Variants in VIPR2 observed in about 807,000 individuals in gnomAD.
VIPR2 encodes vasoactive intestinal peptide receptor 2.
A neutral mutation model predicts 58.0 loss-of-function variants in VIPR2; 48 were observed. That is an observed-to-expected ratio of 0.83 (90% CI 0.66 to 1.05). The LOEUF (loss-of-function observed/expected upper bound fraction) is 1.05. VIPR2 is among the 50% of genes least tolerant of loss of function. The pLI is 0.00. For missense variants in VIPR2, 534 were observed against 558.0 expected, an observed-to-expected ratio of 0.96 and a Z score of 0.43; for synonymous variants, 243 against 235.2, an observed-to-expected ratio of 1.03 and a Z score of -0.30.
At chr7:159,120,627 C>T (rs552359949) in intron 2 of VIPR2, among the ~76,000 whole-genome samples, 2 of 152,334 alleles carry the variant, frequency 1.3e-5, no homozygotes, top group South Asian at 2.1e-4. Context: ...TGTTCCGACA[C>T]AACACAGCAC....
At chr7:159,119,296 CT>C (rs1352122280) in intron 2 of VIPR2, among the ~76,000 whole-genome samples, 1 of 152,206 alleles carries the variant, frequency 6.6e-6, no homozygotes, top group Non-Finnish European at 1.5e-5. Context: ...CAGTTTGCTC[CT>C]CTGCAGAACA....
At chr7:159,045,216 G>A (rs766275964) in intron 5 of VIPR2, among the ~76,000 whole-genome samples, 3 of 152,192 alleles carry the variant, frequency 2.0e-5, no homozygotes, top group Non-Finnish European at 4.4e-5. Context: ...ATTCCATCAA[G>A]TGCACCAGCA....
intron 4 of VIPR2, among the ~76,000 whole-genome samples, chr7:159,103,452 A>C (rs780562393): frequency 2.6e-5 from 4 of 152,184 alleles, no homozygotes; most frequent in Non-Finnish European, 5.9e-5. Context: ...CTCATCTGAA[A>C]AGTAACTTTC....
rs1165294638 is a variant in VIPR2 at position 159,097,131 on chromosome 7, C to T, written c.357+6626G>A. 6.8e-7 allele frequency: 1 copy of T among 1,473,774 alleles called. No homozygotes were observed. The highest frequency in any genetic ancestry group is 2.3e-5 in the Admixed American group (1 of 42,754). The allele number at this position is 1,473,774 out of a possible 1,614,324, so 91.3% of individuals were successfully genotyped here. A position where few individuals can be genotyped will look rare whatever the true frequency, so the allele number is the denominator to read the frequency against. On this transcript the variant is annotated intron_variant, in intron 4 of 12. Transcript: ENST00000262178. The surrounding 1 kb of genome is among the most constrained non-coding windows in gnomAD (Gnocchi z 5.3). ...TTGGCGGGATGATCAGATGGTGCCT[C>T]CCACAAAGGCATCTGCAGTGCCAGC...
rs771283856 is a variant in VIPR2, at chr7:159,058,568, T to C, written c.368A>G (p.Tyr123Cys). 2.5e-6 allele frequency: 4 copies of C among 1,609,096 alleles called. No individual in the cohort carries two copies. Among genetic ancestry groups the C allele is most frequent in the Non-Finnish European group, 3.4e-6 (4 of 1,175,814 alleles). The change falls in exon 5 of 13, where the codon TAT (tyrosine) becomes TGT (cysteine). Residue 123 changes from tyrosine to cysteine, a missense_variant. By Grantham distance (194) the Tyr-to-Cys change is radical. Around this residue, in one of 3 missense-constraint regions of VIPR2, gnomAD observed 224 missense variants for 255.7 expected, o/e 0.88. Transcript: ENST00000262178. Reference sequence around the variant, plus strand: ...TGTATAAATGGCCTTCACCAGAATATAAAACGTGATCTACAAAGAAAGAAA... The same window carrying C: ...TGTATAAATGGCCTTCACCAGAATACAAAACGTGATCTACAAAGAAAGAAA... ...DPEDESKITF[Y>C]ILVKAIYTLG...
At chr7:159,092,253 G>A (rs1038191264) in intron 4 of VIPR2, among the ~76,000 whole-genome samples, 3 of 152,212 alleles carry the variant, frequency 2.0e-5, no homozygotes, top group East Asian at 1.9e-4. Context: ...GGCCCAGAGC[G>A]AAATTGGCGA....
intron 2 of VIPR2, among the ~76,000 whole-genome samples, chr7:159,131,620 C>T (rs531425634): frequency 6.6e-6 from 1 of 152,328 alleles, no homozygotes; most frequent in African/African-American, 2.4e-5. Flanking sequence ...AAGACCTCTT[C>T]AGAAAAGATA....
chr7:159,119,260 C>T (rs1180899813), intron 2 of VIPR2, among the ~76,000 whole-genome samples: 1 of 152,186 alleles, frequency 6.6e-6, no homozygotes, highest in African/African-American at 2.4e-5. Flanking sequence ...CTGGCTGCCC[C>T]TGAGCATGTT....
intron 2 of VIPR2, among the ~76,000 whole-genome samples, chr7:159,139,887 T>A (rs1334160806): frequency 6.6e-6 from 1 of 152,268 alleles, no homozygotes; most frequent in African/African-American, 2.4e-5. Context: ...GCATGGGCCA[T>A]GGAAACAGGG....
chr7:159,058,354 C>G (rs1585381097), intron 5 of VIPR2, 127 bp downstream of exon 5: 1 of 714,162 alleles, frequency 1.4e-6, no homozygotes. Context: ...TTAATGGCAG[C>G]ATTCTCCATG....
At chr7:159,112,663 G>A (rs1216991963) in intron 2 of VIPR2, among the ~76,000 whole-genome samples, 1 of 150,908 alleles carries the variant, frequency 6.6e-6, no homozygotes, top group Admixed American at 6.6e-5. Flanking sequence ...CGAGAGCCCC[G>A]ACTGTGAGGA....
At chr7:159,083,606 C>T (rs918254800) in intron 4 of VIPR2, among the ~76,000 whole-genome samples, 14 of 152,210 alleles carry the variant, frequency 9.2e-5, no homozygotes, top group Admixed American at 7.2e-4. Context: ...ACCCACTAGC[C>T]GGGCCAGGCC....
Position 159,030,701 on chromosome 7 carries a change from G to C in VIPR2, c.1232C>G (p.Ser411Cys), listed in dbSNP as rs1198745292. The stretch of plus-strand genomic sequence containing the variant: ...CAGGGCGCCCTCCGAGCCGTTGCGG[G>C]AGAAGGAGGAACCGCAGACCCTGTA... ...RDYRVCGSSF[S>C]RNGSEGALQF... Residue 411 changes from serine (S) to cysteine (C), a missense_variant, in exon 13 of 13, where the codon TCC becomes TGC. This residue lies in a region of VIPR2 where 306 missense variants were observed against 285.8 expected (regional missense o/e 1.07). Coordinates refer to ENST00000262178, the MANE Select transcript of VIPR2 (RefSeq NM_003382.5). 2 of 1,587,348 alleles carry C rather than the reference G, an allele frequency of 1.3e-6. No individual in the cohort carries two copies. Among genetic ancestry groups the C allele is most frequent in the Non-Finnish European group, 1.7e-6 (2 of 1,168,224 alleles).
intron 4 of VIPR2, among the ~76,000 whole-genome samples, chr7:159,101,096 G>A (rs1210043910): frequency 2.1e-5 from 3 of 145,490 alleles, no homozygotes; most frequent in African/African-American, 5.2e-5. Context: ...CGGGTCTCAC[G>A]AGATCCGACG....
intron 5 of VIPR2, among the ~76,000 whole-genome samples, chr7:159,049,721 C>A (rs1374227849): frequency 6.6e-6 from 1 of 152,196 alleles, no homozygotes; most frequent in Non-Finnish European, 1.5e-5. Context: ...GAAATGCCTG[C>A]AGCTTCATGG....
At position 159,030,380 on chromosome 7, in the gene VIPR2, G is replaced by A. The variant is rs1853466876; in HGVS notation, c.*236C>T. The A allele has an allele frequency of 2.3e-6, 1 of 430,404 alleles. No individual in the cohort carries two copies. Among genetic ancestry groups the A allele is most frequent in the Non-Finnish European group, 4.0e-6 (1 of 250,512 alleles). The allele number at this position is 430,404 out of a possible 1,614,324, so 26.7% of individuals were successfully genotyped here. On this transcript the variant is annotated 3_prime_UTR_variant, in exon 13 of 13. Coordinates refer to ENST00000262178, the MANE Select transcript of VIPR2 (RefSeq NM_003382.5). ...AAAAAAAAAAGTGGATCCACTATAC[G>A]GCTGAAACACATTTTGCACAAGATT...
chr7:159,030,561 C>T lies in VIPR2; in HGVS notation c.*55G>A. ...GAAGGAGGAAGCCGGCGTCTCAGCCCCGCAGAAGCCCCGAACCGTGGGCCT... is the reference window on the plus strand; with the variant it reads ...GAAGGAGGAAGCCGGCGTCTCAGCCTCGCAGAAGCCCCGAACCGTGGGCCT... On this transcript the variant is annotated 3_prime_UTR_variant, in exon 13 of 13. Coordinates refer to ENST00000262178, the MANE Select transcript of VIPR2 (RefSeq NM_003382.5). 1 of 1,474,794 alleles carries T rather than the reference C, an allele frequency of 6.8e-7. No homozygotes were observed. Among genetic ancestry groups the T allele is most frequent in the Admixed American group, 2.3e-5 (1 of 42,872 alleles). The allele number at this position is 1,474,794 out of a possible 1,614,324, so 91.4% of individuals were successfully genotyped here. A position where few individuals can be genotyped will look rare whatever the true frequency, so the allele number is the denominator to read the frequency against.
intron 4 of VIPR2, among the ~76,000 whole-genome samples, chr7:159,078,646 A>T (rs1856762796): frequency 6.6e-6 from 1 of 152,234 alleles, no homozygotes; most frequent in South Asian, 2.1e-4. Flanking sequence ...TATAGCAAAG[A>T]TCTATCCACT....
At chr7:159,057,911 G>A (rs1855415564) in intron 5 of VIPR2, among the ~76,000 whole-genome samples, 1 of 152,178 alleles carries the variant, frequency 6.6e-6, no homozygotes, top group African/African-American at 2.4e-5. Flanking sequence ...CATTTAATAA[G>A]CCCTCATCAC....
Sources: allele counts gnomAD v4.1 joint callset (sites outside exome capture counted in the v4.1 genomes callset), GRCh38; gene constraint gnomAD v4.1.1; regional missense constraint gnomAD v4.1.1; non-coding constraint Gnocchi (gnomAD v3.1); transcripts MANE v1.5; gene names NCBI Gene and HGNC (gene_info 2026-07-23, HGNC 2026-07-21).